The following CDH20 variants were observed in gnomAD, a reference collection of about 807,000 sequenced individuals.
The protein encoded by CDH20 is cadherin 20.
Under a neutral mutation model 74.2 loss-of-function variants are expected in CDH20, and 29 were observed. The ratio of observed to expected loss-of-function variants is 0.39; its 90% CI spans 0.29 to 0.53. The LOEUF (loss-of-function observed/expected upper bound fraction) is 0.53, where lower values mean the gene tolerates loss of function less well. Among genes scored for constraint, CDH20 ranks in the 20% least tolerant of loss-of-function variants. CDH20 has a pLI of 0.69. For synonymous variants in CDH20, 469 were observed against 405.4 expected, an observed-to-expected ratio of 1.16 and a Z score of -1.88; for missense variants, 988 against 1,048.3, an observed-to-expected ratio of 0.94 and a Z score of 0.79.
At chr18:61,394,585 A>T (rs1911899107) in intron 1 of CDH20, among the ~76,000 whole-genome samples, 1 of 151,994 alleles carries the variant, frequency 6.6e-6, no homozygotes, top group Non-Finnish European at 1.5e-5. Flanking sequence ...CCCTGCAAAC[A>T]CCTTGATCTT....
intron 1 of CDH20, among the ~76,000 whole-genome samples, chr18:61,382,750 A>G (rs1216626162): frequency 6.6e-6 from 1 of 152,232 alleles, no homozygotes; most frequent in Non-Finnish European, 1.5e-5. Context: ...CAGGAAGAGT[A>G]AAAATGTTGA....
intron 1 of CDH20, among the ~76,000 whole-genome samples, chr18:61,472,855 CA>C (rs1910234035): frequency 6.6e-6 from 1 of 152,284 alleles, no homozygotes; most frequent in East Asian, 1.9e-4. Context: ...TTAAGCAAAG[CA>C]AATTTCTTTC....
At chr18:61,333,964 C>A (rs573023536) in intron 1 of CDH20, 137 bp downstream of exon 1, 1 of 152,534 alleles carries the variant, frequency 6.6e-6, no homozygotes, top group African/African-American at 2.4e-5. Context: ...CAACTCCCTG[C>A]CACCTCGACG....
Position 61,447,427 on chromosome 18 carries a change from G to T in CDH20, c.-152-42975G>T, listed in dbSNP as rs57293300. 3.9e-3 allele frequency among the ~76,000 whole-genome samples: 589 copies of T among 152,236 alleles called. 1 individual carries two copies. Among genetic ancestry groups the T allele is most frequent in the African/African-American group, 0.014 (563 of 41,548 alleles). ...GAAGATATGGACACTTAACATGTGT[G>T]GTAAGGGTGGACTCTTGAAACATCA... is the stretch of plus-strand genomic sequence containing the variant. On this transcript the variant is annotated intron_variant, in intron 1 of 11. Transcript: ENST00000262717.
intron 2 of CDH20, among the ~76,000 whole-genome samples, chr18:61,495,435 A>C (rs977201818): frequency 6.6e-6 from 1 of 152,190 alleles, no homozygotes; most frequent in Non-Finnish European, 1.5e-5. Flanking sequence ...AAACTCTCCA[A>C]GCCGTAATTT....
chr18:61,508,159 T>C (rs1339822100), intron 6 of CDH20, among the ~76,000 whole-genome samples: 1 of 152,220 alleles, frequency 6.6e-6, no homozygotes, highest in Admixed American at 6.5e-5. Context: ...AGCTAGAAGA[T>C]AAAACTTTTT....
chr18:61,537,403 A>T (rs1194290454), intron 8 of CDH20, among the ~76,000 whole-genome samples: 1 of 152,218 alleles, frequency 6.6e-6, no homozygotes, highest in Non-Finnish European at 1.5e-5. Context: ...ATGTTATTTT[A>T]AAATAAGGAG....
intron 11 of CDH20, among the ~76,000 whole-genome samples, chr18:61,552,965 A>G (rs1295483754): frequency 6.6e-6 from 1 of 151,988 alleles, no homozygotes; most frequent in East Asian, 1.9e-4. Context: ...CTTTCAGTCC[A>G]CGCCTCGTAT....
intron 9 of CDH20, among the ~76,000 whole-genome samples, chr18:61,541,892 G>A (rs1433079328): frequency 6.6e-6 from 1 of 152,174 alleles, no homozygotes; most frequent in Non-Finnish European, 1.5e-5. Flanking sequence ...CACGACAAGT[G>A]GGGCTGAGGA....
intron 7 of CDH20, among the ~76,000 whole-genome samples, chr18:61,535,708 G>A (rs893132272): frequency 2.0e-5 from 3 of 152,228 alleles, no homozygotes; most frequent in African/African-American, 7.2e-5. Flanking sequence ...AAAGATGCAT[G>A]TTGGTCCAGA....
At chr18:61,550,772 G>A (rs937639480) in intron 11 of CDH20, among the ~76,000 whole-genome samples, 61 of 152,130 alleles carry the variant, frequency 4.0e-4, no homozygotes, top group African/African-American at 1.4e-3. Context: ...TTCTGGAGGT[G>A]GTATTACAGG....
At chr18:61,409,372 T>C (rs1599065365) in intron 1 of CDH20, among the ~76,000 whole-genome samples, 1 of 152,144 alleles carries the variant, frequency 6.6e-6, no homozygotes, top group South Asian at 2.1e-4. Flanking sequence ...AGCCTGAGCC[T>C]GGGACAGGCT....
chr18:61,522,679 A>G (rs1355899954), intron 6 of CDH20, among the ~76,000 whole-genome samples: 1 of 152,248 alleles, frequency 6.6e-6, no homozygotes, highest in Non-Finnish European at 1.5e-5. Flanking sequence ...ACAAGACTAC[A>G]GTAACCAAAA....
At chr18:61,532,824 C>A (rs1568179899) in intron 7 of CDH20, among the ~76,000 whole-genome samples, 1 of 152,094 alleles carries the variant, frequency 6.6e-6, no homozygotes. Flanking sequence ...AACTTTAAAT[C>A]AAATTTTGAA....
chr18:61,374,292 T>C (rs1345669034), intron 1 of CDH20, among the ~76,000 whole-genome samples: 1 of 152,088 alleles, frequency 6.6e-6, no homozygotes, highest in Non-Finnish European at 1.5e-5. Flanking sequence ...CCTACCATCA[T>C]AGGGGCTTCT....
At chr18:61,432,193 G>A (rs1235346391) in intron 1 of CDH20, among the ~76,000 whole-genome samples, 1 of 145,414 alleles carries the variant, frequency 6.9e-6, no homozygotes, top group East Asian at 2.1e-4. Flanking sequence ...GCAGTGAGCT[G>A]AGACCATGCC....
chr18:61,484,934 G>A lies in CDH20; in HGVS notation c.-152-5468G>A, dbSNP rs575684410. 1.2e-4 allele frequency among the ~76,000 whole-genome samples: 19 copies of A among 152,252 alleles called. No homozygotes were observed. In the South Asian group the frequency reaches 3.7e-3, roughly 30 times the overall value. On this transcript the variant is annotated intron_variant, in intron 1 of 11. Transcript: ENST00000262717. ...CAGCACTCTCGCATAAACTGGTTGGGTGGTGGGAAGGAGAGGGAAAATAAG... is the reference window on the plus strand; with the variant it reads ...CAGCACTCTCGCATAAACTGGTTGGATGGTGGGAAGGAGAGGGAAAATAAG...
At chr18:61,385,463 T>A (rs1448366791) in intron 1 of CDH20, among the ~76,000 whole-genome samples, 1 of 151,996 alleles carries the variant, frequency 6.6e-6, no homozygotes, top group African/African-American at 2.4e-5. Flanking sequence ...TATATTTCAC[T>A]ACACTCAAAA....
intron 1 of CDH20, among the ~76,000 whole-genome samples, chr18:61,399,749 A>G (rs1325093891): frequency 6.6e-6 from 1 of 152,206 alleles, no homozygotes; most frequent in Non-Finnish European, 1.5e-5. Flanking sequence ...ATCTTAAATC[A>G]GCCTCTTTTT....
Sources: allele counts gnomAD v4.1 joint callset (sites outside exome capture counted in the v4.1 genomes callset), GRCh38; gene constraint gnomAD v4.1.1; transcripts MANE v1.5; gene names NCBI Gene and HGNC (gene_info 2026-07-23, HGNC 2026-07-21).